The following ADAT1 variants were observed in gnomAD, a reference collection of about 807,000 sequenced individuals.
ADAT1 encodes adenosine deaminase tRNA specific 1.
ADAT1 carries 58 observed loss-of-function variants against 58.6 expected under a neutral mutation model. That is an observed-to-expected ratio of 0.99 (90% confidence interval 0.80 to 1.23). The LOEUF is 1.23. Among genes scored for constraint, ADAT1 ranks in the 50% most tolerant of loss-of-function variants. The pLI, the probability that ADAT1 is intolerant of heterozygous loss-of-function variation, is 0.00. For missense variants in ADAT1, 741 were observed against 608.6 expected, an observed-to-expected ratio of 1.22 and a Z score of -2.29; for synonymous variants, 254 against 220.8, an observed-to-expected ratio of 1.15 and a Z score of -1.33.
At chr16:75,620,551 G>A (rs1325693949) in intron 2 of ADAT1, 80 bp downstream of exon 2, 20 of 1,524,692 alleles carry the variant, frequency 1.3e-5, no homozygotes, top group African/African-American at 2.7e-5. Flanking sequence ...CCCTACCCAC[G>A]ACTGTACCCT....
In ADAT1 at chr16:75,612,596, G is replaced by T; in HGVS notation, c.690C>A (p.Ile230=). Residue 230 remains isoleucine (I), a synonymous_variant, in exon 6 of 10, where the codon ATC becomes ATA. Transcript: ENST00000564657. ...KQKSGPISPG[I]HSCDLTVEGL... is the part of the protein sequence containing the mutation. ...CCTCTACAGTGAGATCACAGCTGTG[G>T]ATGCCTGGTGAGATTGGGCCACTTT... 1 of 1,614,102 alleles carries T rather than the reference G, an allele frequency of 6.2e-7. No individual in the cohort carries two copies. Among genetic ancestry groups the T allele is most frequent in the Non-Finnish European group, 8.5e-7 (1 of 1,180,038 alleles).
intron 8 of ADAT1, among the ~76,000 whole-genome samples, chr16:75,603,401 C>G (rs1048566054): frequency 2.0e-5 from 3 of 152,138 alleles, no homozygotes; most frequent in Non-Finnish European, 4.4e-5. Flanking sequence ...ATTAAAGTAA[C>G]AAGCCCAAAC....
In ADAT1 at chr16:75,612,689, A is replaced by T; in HGVS notation, c.597T>A (p.Leu199=). The T allele has an allele frequency of 2.5e-6, 4 of 1,614,020 alleles. No individual in the cohort carries two copies. The highest frequency in any genetic ancestry group is 3.4e-6 in the Non-Finnish European group (4 of 1,180,016). ...CCTCCCTGGCTGCAGTCCCAGGCTC[A>T]AGCCTCATCTTTTTGGTTACAGGAC... The part of the protein sequence containing the change: ...PDSPVTKKMR[L]EPGTAAREVT... Residue 199 remains leucine, a synonymous_variant, in exon 6 of 10, where the codon CTT becomes CTA. Coordinates refer to ENST00000564657, the MANE Select transcript of ADAT1 (RefSeq NM_001324445.2).
chr16:75,619,588 T>C (rs1221199709), intron 3 of ADAT1: 1 of 454,900 alleles, frequency 2.2e-6, no homozygotes, highest in African/African-American at 2.0e-5. Flanking sequence ...AATTTTCATA[T>C]TCTTGTTGAG....
Position 75,608,979 on chromosome 16 carries a change from A to T in ADAT1, c.1053T>A (p.Asn351Lys). 4 of 1,614,174 alleles carry T rather than the reference A, an allele frequency of 2.5e-6. No individual in the cohort carries two copies. The highest frequency in any genetic ancestry group is 3.4e-6 in the Non-Finnish European group (4 of 1,180,020). The change falls in exon 7 of 10, where the codon AAT becomes AAA. Residue 351 changes from asparagine (N) to lysine (K), a missense_variant. Transcript: ENST00000564657. ...CGAAGCCTTTTGGTAAAGCAGACACATTCTGACACCTAAATACAAGGGAAA... is the reference window on the plus strand; with the variant it reads ...CGAAGCCTTTTGGTAAAGCAGACACTTTCTGACACCTAAATACAAGGGAAA... ...MQRALIGRCQ[N>K]VSALPKGFGV...
rs924912880 is a variant in ADAT1, at chr16:75,612,847, T to C, written c.439A>G (p.Ile147Val). ...SSHTPCGDAS[I>V]IPMLEFEDQP... ...TCTTCAAACTCAAGCATCGGAATGATGGAGGCATCCCCACCTGCAGAGAAT... is the reference window on the plus strand; with the variant it reads ...TCTTCAAACTCAAGCATCGGAATGACGGAGGCATCCCCACCTGCAGAGAAT... The change falls in exon 6 of 10, where the codon ATC (isoleucine) becomes GTC (valine). Residue 147 changes from isoleucine (I) to valine (V), a missense_variant. Physicochemically the swap from Ile to Val is conservative, Grantham distance 29 (BLOSUM62 3). Coordinates refer to ENST00000564657, the MANE Select transcript of ADAT1 (RefSeq NM_001324445.2). The C allele has an allele frequency of 2.0e-5, 33 of 1,613,642 alleles. No individual in the cohort carries two copies. The highest frequency in any genetic ancestry group is 2.6e-5 in the Non-Finnish European group (31 of 1,179,852).
chr16:75,616,235 C>T (rs946246763), intron 5 of ADAT1, among the ~76,000 whole-genome samples: 4 of 152,068 alleles, frequency 2.6e-5, no homozygotes, highest in East Asian at 1.9e-4. Context: ...CTGGAACTCT[C>T]GACCTCAAGT....
intron 6 of ADAT1, 49 bp downstream of exon 6, chr16:75,612,194 A>T (rs1666175413): frequency 6.3e-7 from 1 of 1,584,552 alleles, no homozygotes; most frequent in Admixed American, 1.7e-5. Flanking sequence ...TTACCCTCAG[A>T]CTGCCTCTTG....
At chr16:75,602,494 C>T (rs2081257764) in intron 9 of ADAT1, among the ~76,000 whole-genome samples, 1 of 152,178 alleles carries the variant, frequency 6.6e-6, no homozygotes, top group South Asian at 2.1e-4. Flanking sequence ...AGTGGAGACA[C>T]TCAAATTTGT....
chr16:75,618,880 C>A (rs1023562983), intron 3 of ADAT1, among the ~76,000 whole-genome samples: 2 of 152,184 alleles, frequency 1.3e-5, no homozygotes, highest in South Asian at 2.1e-4. Context: ...TCCATCCATA[C>A]ACTGTAGACT....
intron 3 of ADAT1, among the ~76,000 whole-genome samples, 179 bp downstream of exon 3, chr16:75,620,087 G>A (rs576335650): frequency 4.3e-4 from 65 of 152,108 alleles, no homozygotes; most frequent in African/African-American, 1.4e-3. Context: ...AGAGGCCTCC[G>A]CTTTGATGGT....
Position 75,612,446 on chromosome 16 carries a change from C to A in ADAT1, c.840G>T (p.Gln280His), listed in dbSNP as rs765123785. 2 of 1,614,134 alleles carry A rather than the reference C, an allele frequency of 1.2e-6. No individual in the cohort carries two copies. The highest frequency in any genetic ancestry group is 1.7e-6 in the Non-Finnish European group (2 of 1,180,060). The change falls in exon 6 of 10, where the codon CAG (glutamine) becomes CAT (histidine). Residue 280 changes from glutamine (Q) to histidine (H), a missense_variant. By Grantham distance (24) the Gln-to-His change is conservative. Coordinates refer to ENST00000564657, the MANE Select transcript of ADAT1 (RefSeq NM_001324445.2). ...CTGGCTTCACTCGGAGCAGCCCCAC[C>A]TGGTGAAACGCAGCACCCGGCTTTC... is the stretch of plus-strand genomic sequence containing the variant. ...DSGKPGAAFHQVGLLRVKPGR... is the reference protein window; with the variant it reads ...DSGKPGAAFHHVGLLRVKPGR...
At position 75,612,400 on chromosome 16, in the gene ADAT1, A is replaced by T. The variant is rs765206325; in HGVS notation, c.886T>A (p.Ser296Thr). 8 of 1,614,204 alleles carry T rather than the reference A, an allele frequency of 5.0e-6. No homozygotes were observed. The Admixed American group carries it at 1.2e-4, about 24-fold the overall frequency. The part of the protein sequence containing the change: ...VKPGRGDRTR[S>T]MSCSDKMARW... ...GCCATCTTGTCACTACAGGACATGG[A>T]GCGTGTTCTGTCTCCACGGCCTGGC... Residue 296 changes from serine (S) to threonine (T), a missense_variant, in exon 6 of 10, where the codon TCC becomes ACC. Ser to Thr is a moderately conservative substitution (Grantham distance 58, BLOSUM62 1). Coordinates refer to ENST00000564657, the MANE Select transcript of ADAT1 (RefSeq NM_001324445.2).
intron 8 of ADAT1, among the ~76,000 whole-genome samples, chr16:75,605,196 T>C (rs2081337151): frequency 6.6e-6 from 1 of 152,178 alleles, no homozygotes; most frequent in South Asian, 2.1e-4. Flanking sequence ...GTTCAAGCAA[T>C]TCTCCTGCCT....
At position 75,600,217 on chromosome 16, in the gene ADAT1, C is replaced by T; in HGVS notation, c.1508G>A (p.Ter503=). 1 of 1,614,186 alleles carries T rather than the reference C, an allele frequency of 6.2e-7. No individual in the cohort carries two copies. Among genetic ancestry groups the T allele is most frequent in the Non-Finnish European group, 8.5e-7 (1 of 1,180,010 alleles). The change falls in exon 10 of 10, where the codon TGA becomes TAA. Residue 503 remains the stop codon, a stop_retained_variant. Transcript: ENST00000564657. The stretch of plus-strand genomic sequence containing the variant: ...GCTACCAGAGCAAACATTTCCTTCT[C>T]ACTTGAACTGGTGATAATCCGGTGG... ...RNPPDYHQFK[*]
chr16:75,600,813 C>T (rs2081208294), intron 9 of ADAT1, among the ~76,000 whole-genome samples: 1 of 152,134 alleles, frequency 6.6e-6, no homozygotes, highest in Admixed American at 6.5e-5. Flanking sequence ...TGAAGACCAC[C>T]CAGTCTGTAT....
At chr16:75,607,645 G>C (rs1280037904) in intron 8 of ADAT1, among the ~76,000 whole-genome samples, 1 of 152,156 alleles carries the variant, frequency 6.6e-6, no homozygotes, top group Non-Finnish European at 1.5e-5. Flanking sequence ...AAATGGTACA[G>C]CTGCTATGGA....
chr16:75,602,604 T>C (rs945649179), intron 9 of ADAT1, among the ~76,000 whole-genome samples: 1 of 152,180 alleles, frequency 6.6e-6, no homozygotes, highest in East Asian at 1.9e-4. Context: ...CCTTCACCTG[T>C]GAAACTTCAC....
chr16:75,606,996 G>A (rs2081388925), intron 8 of ADAT1, among the ~76,000 whole-genome samples: 1 of 152,114 alleles, frequency 6.6e-6, no homozygotes, highest in East Asian at 1.9e-4. Flanking sequence ...GGGAGGCTGA[G>A]GTGGGCAGAT....
Sources: allele counts gnomAD v4.1 joint callset (sites outside exome capture counted in the v4.1 genomes callset), GRCh38; gene constraint gnomAD v4.1.1; transcripts MANE v1.5; gene names NCBI Gene and HGNC (gene_info 2026-07-23, HGNC 2026-07-21).